The following DLG2 variants were observed in gnomAD, a reference collection of about 807,000 sequenced individuals.
DLG2 encodes disks large homolog 2.
In DLG2, 45 loss-of-function variants were observed where a neutral mutation model predicts 132.5. That is an observed-to-expected ratio of 0.34 (90% CI 0.27 to 0.44). The LOEUF (loss-of-function observed/expected upper bound fraction) is 0.44. Among genes scored for constraint, DLG2 ranks in the 20% least tolerant of loss-of-function variants. DLG2 has a pLI of 1.00. For synonymous variants in DLG2, 424 were observed against 419.6 expected, an observed-to-expected ratio of 1.01 and a Z score of -0.13; for missense variants, 1,045 against 1,196.9, an observed-to-expected ratio of 0.87 and a Z score of 1.87.
chr11:85,067,712 G>A (rs368394475), intron 6 of DLG2, among the ~76,000 whole-genome samples: 2 of 151,994 alleles, frequency 1.3e-5, no homozygotes, highest in South Asian at 2.1e-4. Flanking sequence ...GAGGTACAAG[G>A]AGGAGCTGGT....
At chr11:84,124,711 A>T (rs1446621826) in intron 9 of DLG2, among the ~76,000 whole-genome samples, 1 of 152,140 alleles carries the variant, frequency 6.6e-6, no homozygotes, top group Non-Finnish European at 1.5e-5. Context: ...TCTCTCATGG[A>T]TATCTTATTT....
chr11:84,631,010 TCTCTCTCTCACACACACA>T (rs1420855199), intron 6 of DLG2, among the ~76,000 whole-genome samples: 3 of 129,622 alleles, frequency 2.3e-5, no homozygotes, highest in Non-Finnish European at 3.2e-5. Flanking sequence ...TCTCTCTCTC[TCTCTCTCTCACACACACA>T]CACACACACA....
intron 14 of DLG2, among the ~76,000 whole-genome samples, chr11:83,945,069 C>T (rs1427457696): frequency 6.6e-6 from 1 of 152,122 alleles, no homozygotes; most frequent in Non-Finnish European, 1.5e-5. Flanking sequence ...AATACCATCA[C>T]CTTTAATCTG....
chr11:83,609,089 A>C (rs1419916121), intron 19 of DLG2, among the ~76,000 whole-genome samples: 1 of 152,216 alleles, frequency 6.6e-6, no homozygotes, highest in South Asian at 2.1e-4. Flanking sequence ...ATTTACATCA[A>C]ATCATAGGAT....
intron 3 of DLG2, among the ~76,000 whole-genome samples, chr11:85,458,513 T>G (rs1381351854): frequency 6.6e-6 from 1 of 152,194 alleles, no homozygotes; most frequent in Non-Finnish European, 1.5e-5. Context: ...CTTTTTGAGT[T>G]GCCAGAGTTC....
At chr11:84,668,142 C>T (rs923003628) in intron 6 of DLG2, among the ~76,000 whole-genome samples, 3 of 151,974 alleles carry the variant, frequency 2.0e-5, no homozygotes, top group Admixed American at 2.0e-4. Flanking sequence ...TCTAGAGTGC[C>T]CAACAGAGGG....
In DLG2 at chr11:83,906,353, C is replaced by T. The variant is rs182658021; in HGVS notation, c.1496+23975G>A. Among the ~76,000 whole-genome samples, 673 of 149,968 alleles carry T rather than the reference C, an allele frequency of 4.5e-3. 2 individuals carry two copies. The highest frequency in any genetic ancestry group is 8.1e-3 in the Non-Finnish European group (546 of 67,618). ...TCCCAAAGTGCTGGGATTACCAGCA[C>T]CAGCCACCACACCTGGCCAAGATTT... On this transcript the variant is annotated intron_variant, in intron 15 of 27. Coordinates refer to ENST00000376104, the MANE Select transcript of DLG2 (RefSeq NM_001142699.3).
intron 3 of DLG2, among the ~76,000 whole-genome samples, chr11:85,319,090 T>A (rs1044542077): frequency 6.6e-6 from 1 of 152,034 alleles, no homozygotes; most frequent in South Asian, 2.1e-4. Context: ...ACTCTATCTG[T>A]AACTTCTCTG....
Position 83,481,695 on chromosome 11 carries a change from G to A in DLG2, c.2293+2434C>T, listed in dbSNP as rs559159073. Among the ~76,000 whole-genome samples, 10 of 152,216 alleles carry A rather than the reference G, an allele frequency of 6.6e-5. No homozygotes were observed. In the South Asian group the frequency reaches 2.1e-3, roughly 32 times the overall value. On this transcript the variant is annotated intron_variant, in intron 22 of 27. Coordinates refer to ENST00000376104, the MANE Select transcript of DLG2 (RefSeq NM_001142699.3). ...GCAAAGAGGCAATAGGGAAAGAAGT[G>A]TGGATGAACCTGTGCAAATCTGTTT...
At chr11:83,783,801 T>A (rs1020304144) in intron 18 of DLG2, among the ~76,000 whole-genome samples, 1 of 152,188 alleles carries the variant, frequency 6.6e-6, no homozygotes, top group African/African-American at 2.4e-5. Context: ...CATGGTGCAC[T>A]CTTGCACTGT....
intron 6 of DLG2, among the ~76,000 whole-genome samples, chr11:84,855,924 A>T (rs1315185579): frequency 1.3e-5 from 2 of 152,036 alleles, no homozygotes; most frequent in Non-Finnish European, 2.9e-5. Context: ...AGAATCTCAG[A>T]GTTGGAACAG....
intron 3 of DLG2, among the ~76,000 whole-genome samples, chr11:85,519,873 T>C (rs764084613): frequency 6.6e-6 from 1 of 152,132 alleles, no homozygotes; most frequent in African/African-American, 2.4e-5. Flanking sequence ...ACAAGCTCTC[T>C]TCTCTTGTCT....
intron 6 of DLG2, among the ~76,000 whole-genome samples, chr11:84,831,671 A>G (rs1035195066): frequency 1.3e-5 from 2 of 151,664 alleles, no homozygotes; most frequent in African/African-American, 4.8e-5. Context: ...ACACTGCCTA[A>G]TAAACATCTA....
chr11:85,084,525 T>C (rs957027545), intron 6 of DLG2, among the ~76,000 whole-genome samples: 1 of 151,764 alleles, frequency 6.6e-6, no homozygotes, highest in African/African-American at 2.4e-5. Flanking sequence ...AAATATAAAG[T>C]AGCATTAAGG....
At chr11:85,163,218 CACACAG>C (rs145440080) in intron 4 of DLG2, among the ~76,000 whole-genome samples, 3,949 of 146,342 alleles carry the variant, frequency 0.027, 79 homozygotes, top group East Asian at 0.091. Flanking sequence ...CACACACACA[CACACAG>C]ACACACACAC....
chr11:85,164,359 C>A (rs979350736), intron 4 of DLG2, among the ~76,000 whole-genome samples: 4 of 151,862 alleles, frequency 2.6e-5, no homozygotes, highest in Non-Finnish European at 5.9e-5. Context: ...GGTGGCATAC[C>A]CTGGGCCCCA....
chr11:83,515,829 C>T (rs988007614), intron 21 of DLG2, among the ~76,000 whole-genome samples: 5 of 152,070 alleles, frequency 3.3e-5, no homozygotes, highest in East Asian at 1.9e-4. Flanking sequence ...TGTAGTTGAG[C>T]GATTTTTGAG....
intron 3 of DLG2, among the ~76,000 whole-genome samples, chr11:85,475,379 AAT>A (rs1177785867): frequency 6.6e-6 from 1 of 151,998 alleles, no homozygotes; most frequent in African/African-American, 2.4e-5. Context: ...GTATTATCCT[AAT>A]ATAACCTTGA....
At chr11:84,493,435 C>T (rs569013643) in intron 7 of DLG2, among the ~76,000 whole-genome samples, 1 of 152,084 alleles carries the variant, frequency 6.6e-6, no homozygotes, top group Non-Finnish European at 1.5e-5. Context: ...TCTCTCCACC[C>T]ATTCCACCCC....
Sources: gnomAD v4.1 joint callset for allele counts (sites outside exome capture counted in the v4.1 genomes callset) on GRCh38, gnomAD v4.1.1 for gene constraint, MANE v1.5 for transcripts, NCBI Gene and HGNC (gene_info 2026-07-23, HGNC 2026-07-21) for gene names.